Variants in RP1 observed in about 807,000 individuals in gnomAD.
RP1 encodes the protein RP1 axonemal microtubule associated.
A neutral mutation model predicts 14.8 loss-of-function variants in RP1; 16 were observed. The ratio of observed to expected loss-of-function variants is 1.08; its 90% CI spans 0.73 to 1.65. The LOEUF is 1.65. RP1 is among the 40% of genes most tolerant of loss of function. The pLI is 0.00. For synonymous variants in RP1, 876 were observed against 883.6 expected, an observed-to-expected ratio of 0.99 and a Z score of 0.15; for missense variants, 2,631 against 2,535.0, an observed-to-expected ratio of 1.04 and a Z score of -0.81.
chr8:54,836,557 A>G (rs1280626942), intron 24 of RP1, among the ~76,000 whole-genome samples: 1 of 152,188 alleles, frequency 6.6e-6, no homozygotes, highest in Non-Finnish European at 1.5e-5. Flanking sequence ...GGAGATTCAG[A>G]GGGCCACATG....
At chr8:54,745,537 T>G (rs1198838073) in intron 19 of RP1, among the ~76,000 whole-genome samples, 1 of 152,224 alleles carries the variant, frequency 6.6e-6, no homozygotes, top group African/African-American at 2.4e-5. Context: ...TAATATTTGC[T>G]GTTGTAAATC....
chr8:54,648,968 T>C (rs1023401325), intron 3 of RP1: 78 of 1,484,860 alleles, frequency 5.3e-5, no homozygotes, highest in Non-Finnish European at 6.6e-5. Flanking sequence ...TGCTGTATGT[T>C]ATTTTTTCTT....
Position 54,624,736 on chromosome 8 carries a change from A to C in RP1, c.854A>C (p.Asn285Thr). The C allele has an allele frequency of 2.5e-6, 4 of 1,613,950 alleles. No individual in the cohort carries two copies. The highest frequency in any genetic ancestry group is 3.4e-6 in the Non-Finnish European group (4 of 1,179,898). ...TCTGTTTCTTCTGAGAAAACACATA[A>C]TAATGATTGCTACTTAGACTATTCT... ...IYSVSSEKTH[N>T]NDCYLDYSFV... Residue 285 changes from asparagine to threonine, a missense_variant, in exon 4 of 4, where the codon AAT becomes ACT. Coordinates refer to ENST00000220676, the MANE Select transcript of RP1 (RefSeq NM_006269.2).
At chr8:54,634,365 C>T (rs1278218622), downstream of RP1, among the ~76,000 whole-genome samples, 1 of 152,042 alleles carries the variant, frequency 6.6e-6, no homozygotes, top group East Asian at 1.9e-4. Context: ...TGGGTCTGTC[C>T]AGGACAAAAA....
intron 24 of RP1, among the ~76,000 whole-genome samples, chr8:54,784,315 T>A (rs995886732): frequency 4.6e-5 from 7 of 152,140 alleles, no homozygotes; most frequent in African/African-American, 7.2e-5. Context: ...AAATGCTCAA[T>A]AAATGTTTGC....
chr8:54,766,820 T>C (rs1251283287), intron 22 of RP1, among the ~76,000 whole-genome samples: 1 of 152,206 alleles, frequency 6.6e-6, no homozygotes, highest in Non-Finnish European at 1.5e-5. Flanking sequence ...AGCTCCCTGG[T>C]GACCTAGGGG....
chr8:54,649,351 C>T (rs1806612246), intron 4 of RP1, among the ~76,000 whole-genome samples: 1 of 152,024 alleles, frequency 6.6e-6, no homozygotes, highest in Non-Finnish European at 1.5e-5. Flanking sequence ...GAGAGAAATA[C>T]TAGATGGTAA....
In RP1 at chr8:54,714,221, C is replaced by T. The variant is rs530557407; in HGVS notation, c.2212-5908C>T. On this transcript the variant is annotated intron_variant, in intron 15 of 22. Transcript: ENST00000636932. Reference sequence around the variant, plus strand: ...GATTACAGGCGTGAGCCACCGCACCCAGCCTGTAGTTTAACTTAGAAACAA... The same window carrying T: ...GATTACAGGCGTGAGCCACCGCACCTAGCCTGTAGTTTAACTTAGAAACAA... Among the ~76,000 whole-genome samples the T allele has an allele frequency of 3.9e-5, 6 of 152,336 alleles. No individual in the cohort carries two copies. In the South Asian group the frequency reaches 1.2e-3, roughly 32 times the overall value.
chr8:54,736,715 G>A (rs976417147), intron 18 of RP1, among the ~76,000 whole-genome samples: 5 of 152,154 alleles, frequency 3.3e-5, no homozygotes, highest in South Asian at 2.1e-4. Context: ...CCCCAGGAGT[G>A]TAGAGTCTTG....
chr8:54,734,857 C>A (rs1808881893), intron 18 of RP1: 2 of 805,906 alleles, frequency 2.5e-6, no homozygotes, highest in Non-Finnish European at 3.5e-6. Flanking sequence ...AACCTCTGGT[C>A]TTTTAGAATG....
intron 5 of RP1, among the ~76,000 whole-genome samples, chr8:54,655,753 C>T (rs1203678198): frequency 2.0e-5 from 3 of 152,074 alleles, no homozygotes; most frequent in Admixed American, 6.5e-5. Context: ...TGCAGTGGCA[C>T]GTGTCTGTAG....
rs1371152696 is a variant in RP1 at position 54,630,151 on chromosome 8, A to G, written c.6269A>G (p.Asn2090Ser). 2 of 1,613,866 alleles carry G rather than the reference A, an allele frequency of 1.2e-6. No individual in the cohort carries two copies. Among genetic ancestry groups the G allele is most frequent in the Middle Eastern group, 1.7e-4 (1 of 6,058 alleles). The change falls in exon 4 of 4, where the codon AAT (asparagine) becomes AGT (serine). Residue 2090 changes from asparagine to serine, a missense_variant. Asn to Ser is a conservative substitution (Grantham distance 46). Transcript: ENST00000220676. ...AATCTCAACCAAGTAGTAAGAGAAA[A>G]TATCAACTGTCATTACTTCTTTGAA... ...RTNLNQVVRENINCHYFFEML... is the reference protein window; with the variant it reads ...RTNLNQVVRESINCHYFFEML...
chr8:54,754,491 A>G (rs1040371236), intron 19 of RP1, among the ~76,000 whole-genome samples: 1 of 152,214 alleles, frequency 6.6e-6, no homozygotes, highest in African/African-American at 2.4e-5. Flanking sequence ...GTTAAAATAA[A>G]GCACTCAGCA....
At chr8:54,640,619 G>A (rs1053446590) in intron 3 of RP1, among the ~76,000 whole-genome samples, 4 of 152,102 alleles carry the variant, frequency 2.6e-5, no homozygotes, top group African/African-American at 4.8e-5. Context: ...GAGTCAAGTC[G>A]GCTGGTGCTT....
intron 8 of RP1, among the ~76,000 whole-genome samples, chr8:54,677,673 A>T (rs1290185904): frequency 2.0e-5 from 3 of 152,102 alleles, no homozygotes; most frequent in African/African-American, 4.8e-5. Flanking sequence ...GCTATGGTGA[A>T]CTGTGATTGC....
chr8:54,849,815 G>T (rs1342966096), intron 25 of RP1, among the ~76,000 whole-genome samples: 2 of 152,286 alleles, frequency 1.3e-5, no homozygotes, highest in East Asian at 3.9e-4. Context: ...CATGGGTTAT[G>T]CATTCCTTGA....
At chr8:54,784,603 T>G (rs909981965) in intron 24 of RP1, among the ~76,000 whole-genome samples, 5 of 152,166 alleles carry the variant, frequency 3.3e-5, no homozygotes, top group Non-Finnish European at 7.4e-5. Flanking sequence ...GAAATGGTAT[T>G]ACTCTTGATC....
At chr8:54,797,977 A>C (rs1310543816) in intron 24 of RP1, among the ~76,000 whole-genome samples, 1 of 150,418 alleles carries the variant, frequency 6.6e-6, no homozygotes, top group Non-Finnish European at 1.5e-5. Flanking sequence ...CTGGCTATAC[A>C]TATAGCAGGA....
At chr8:54,816,830 C>T (rs889943299) in intron 24 of RP1, among the ~76,000 whole-genome samples, 76 of 152,126 alleles carry the variant, frequency 5.0e-4, no homozygotes, top group African/African-American at 1.8e-3. Context: ...CTGTGCTTCC[C>T]CCAGGTCCCA....
Sources: gnomAD v4.1 joint callset for allele counts (sites outside exome capture counted in the v4.1 genomes callset) on GRCh38, gnomAD v4.1.1 for gene constraint, MANE v1.5 for transcripts, NCBI Gene and HGNC (gene_info 2026-07-23, HGNC 2026-07-21) for gene names.